Variants in EDIL3 observed in about 807,000 individuals in gnomAD.
The protein encoded by EDIL3 is EGF-like repeat and discoidin I-like domain-containing protein 3.
EDIL3 carries 37 observed loss-of-function variants against 67.4 expected under a neutral mutation model. That is an observed-to-expected ratio of 0.55 (90% confidence interval 0.42 to 0.72). EDIL3 has a LOEUF of 0.72. EDIL3 is among the 30% of genes least tolerant of loss of function. EDIL3 has a pLI of 0.00. For missense variants in EDIL3, 527 were observed against 586.3 expected (o/e 0.90, Z 1.04); for synonymous variants, 195 against 196.3 (o/e 0.99, Z 0.05).
At chr5:84,214,051 C>G (rs974486128) in intron 3 of EDIL3, among the ~76,000 whole-genome samples, 3 of 152,158 alleles carry the variant, frequency 2.0e-5, no homozygotes, top group African/African-American at 7.2e-5. Context: ...GAGTCTTTTA[C>G]CCATACCCAG....
intron 1 of EDIL3, among the ~76,000 whole-genome samples, chr5:84,368,439 T>C (rs928890678): frequency 6.6e-6 from 1 of 152,128 alleles, no homozygotes; most frequent in African/African-American, 2.4e-5. Flanking sequence ...TATAAAAGAA[T>C]GAAGTTGAGC....
chr5:84,207,421 T>A (rs1744005933), intron 3 of EDIL3, among the ~76,000 whole-genome samples: 1 of 152,090 alleles, frequency 6.6e-6, no homozygotes, highest in Non-Finnish European at 1.5e-5. Context: ...GGAAGAAAAT[T>A]CCATGCTCAT....
intron 1 of EDIL3, among the ~76,000 whole-genome samples, chr5:84,330,953 C>T (rs1372228791): frequency 6.6e-6 from 1 of 152,172 alleles, no homozygotes; most frequent in Non-Finnish European, 1.5e-5. Context: ...CCTCTTGCAT[C>T]AATGTGACCT....
intron 3 of EDIL3, among the ~76,000 whole-genome samples, chr5:84,223,599 A>G (rs1390620746): frequency 1.3e-5 from 2 of 151,678 alleles, no homozygotes; most frequent in African/African-American, 4.8e-5. Flanking sequence ...GAAATAGAGC[A>G]GAATAGTGGT....
intron 1 of EDIL3, among the ~76,000 whole-genome samples, chr5:84,310,213 G>T (rs1385054993): frequency 1.3e-5 from 2 of 152,124 alleles, no homozygotes; most frequent in Non-Finnish European, 2.9e-5. Flanking sequence ...TCAGCTCAAA[G>T]TAACATTTAA....
chr5:84,244,139 G>T (rs922076331), intron 2 of EDIL3, among the ~76,000 whole-genome samples: 1 of 152,126 alleles, frequency 6.6e-6, no homozygotes, highest in African/African-American at 2.4e-5. Flanking sequence ...TAACCCTTAT[G>T]CTTTATTGTA....
At chr5:84,266,209 A>G (rs1580043940) in intron 1 of EDIL3, among the ~76,000 whole-genome samples, 1 of 152,176 alleles carries the variant, frequency 6.6e-6, no homozygotes, top group Non-Finnish European at 1.5e-5. Context: ...CCTCTATTCT[A>G]TCAATAGCCT....
intron 1 of EDIL3, among the ~76,000 whole-genome samples, chr5:84,332,750 G>T (rs958344677): frequency 6.6e-6 from 1 of 152,128 alleles, no homozygotes; most frequent in African/African-American, 2.4e-5. Flanking sequence ...TAGCAAATCA[G>T]TGTCTTATAT....
At chr5:84,089,324 C>T (rs1480330913) in intron 6 of EDIL3, among the ~76,000 whole-genome samples, 1 of 152,186 alleles carries the variant, frequency 6.6e-6, no homozygotes, top group South Asian at 2.1e-4. Context: ...CCAAGTTAAT[C>T]AAAAAGCCGA....
intron 9 of EDIL3, among the ~76,000 whole-genome samples, chr5:84,031,977 T>G (rs1217472923): frequency 1.3e-5 from 2 of 152,202 alleles, no homozygotes; most frequent in African/African-American, 2.4e-5. Context: ...ATACTTGTTC[T>G]CGAGACAGGA....
chr5:84,086,319 CT>C (rs1747069681), intron 6 of EDIL3, among the ~76,000 whole-genome samples: 1 of 152,308 alleles, frequency 6.6e-6, no homozygotes, highest in South Asian at 2.1e-4. Flanking sequence ...ATCTCCTGAT[CT>C]GCGGATTGCA....
chr5:84,358,592 C>CTTTTTTTTT (rs756013675), intron 1 of EDIL3, among the ~76,000 whole-genome samples: 24 of 94,570 alleles, frequency 2.5e-4, no homozygotes, highest in African/African-American at 9.1e-4. Flanking sequence ...CATTTTTATC[C>CTTTTTTTTT]TTTTTTTTTT....
intron 9 of EDIL3, among the ~76,000 whole-genome samples, chr5:83,981,404 A>G (rs932711501): frequency 6.6e-6 from 1 of 152,074 alleles, no homozygotes; most frequent in Non-Finnish European, 1.5e-5. Context: ...GTATTATATC[A>G]TTCTCTGTGT....
chr5:84,080,146 A>AAAAAAAAAAC (rs1746937131), intron 6 of EDIL3, among the ~76,000 whole-genome samples: 1 of 108,342 alleles, frequency 9.2e-6, no homozygotes, highest in Non-Finnish European at 1.8e-5. Flanking sequence ...AAAAAAAAAA[A>AAAAAAAAAAC]ATAGCCCGGC....
At chr5:84,373,106 G>A (rs1747889103) in intron 1 of EDIL3, among the ~76,000 whole-genome samples, 1 of 152,072 alleles carries the variant, frequency 6.6e-6, no homozygotes, top group African/African-American at 2.4e-5. Flanking sequence ...AAAACGCCCA[G>A]TTTTAATTTC....
Position 84,190,170 on chromosome 5 carries a change from G to A in EDIL3, c.227-9649C>T, listed in dbSNP as rs1357112999. On this transcript the variant is annotated intron_variant, in intron 3 of 10. Coordinates refer to ENST00000296591, the MANE Select transcript of EDIL3 (RefSeq NM_005711.5). The stretch of plus-strand genomic sequence containing the variant: ...TCCTGATGGCCTTCAGAATAACAAC[G>A]ATTTCCATGCAAAATTTCTTGTAAA... 2.6e-4 allele frequency among the ~76,000 whole-genome samples: 40 copies of A among 151,774 alleles called. 1 individual carries two copies. Among genetic ancestry groups the A allele is most frequent in the Admixed American group, 2.6e-3 (39 of 15,188 alleles).
At chr5:84,151,134 T>A (rs1166111395) in intron 4 of EDIL3, among the ~76,000 whole-genome samples, 2 of 152,134 alleles carry the variant, frequency 1.3e-5, no homozygotes, top group African/African-American at 2.4e-5. Flanking sequence ...AAACATATCA[T>A]ATTGTACATT....
chr5:83,966,153 G>A (rs1011904946), intron 9 of EDIL3, among the ~76,000 whole-genome samples: 5 of 152,018 alleles, frequency 3.3e-5, no homozygotes, highest in Non-Finnish European at 7.4e-5. Context: ...AATACCTTCT[G>A]GTCTTTCAGA....
At chr5:83,991,414 CTCA>C (rs1452272937) in intron 9 of EDIL3, among the ~76,000 whole-genome samples, 2 of 152,180 alleles carry the variant, frequency 1.3e-5, no homozygotes, top group East Asian at 3.9e-4. Flanking sequence ...CTGATTCTGC[CTCA>C]TCGATTCACC....
Sources: allele counts gnomAD v4.1 joint callset (sites outside exome capture counted in the v4.1 genomes callset), GRCh38; gene constraint gnomAD v4.1.1; transcripts MANE v1.5; gene names NCBI Gene and HGNC (gene_info 2026-07-23, HGNC 2026-07-21).